The following RUNDC3A variants were observed in gnomAD, a reference collection of about 807,000 sequenced individuals.
The protein encoded by RUNDC3A is RUN domain containing 3A, also known as RUN domain-containing protein 3A.
In RUNDC3A, 28 loss-of-function variants were observed where a neutral mutation model predicts 53.9. The ratio of observed to expected loss-of-function variants is 0.52; its 90% CI spans 0.38 to 0.71. RUNDC3A has a LOEUF of 0.71. Among genes scored for constraint, RUNDC3A ranks in the 30% least tolerant of loss-of-function variants. The pLI is 0.00. For missense variants in RUNDC3A, 491 were observed against 597.3 expected (o/e 0.82, Z 1.85); for synonymous variants, 232 against 249.4 (o/e 0.93, Z 0.66).
At position 44,318,214 on chromosome 17, in the gene RUNDC3A, C is replaced by A; in HGVS notation, c.1317C>A (p.Gly439=). The change falls in exon 11 of 11, where the codon GGC becomes GGA. Residue 439 remains glycine, a synonymous_variant. Transcript: ENST00000426726. The part of the protein sequence containing the change: ...NECLVSDSPE[G]SPALSPS ...GCCTGGTGAGCGACAGTCCCGAGGGCAGCCCAGCACTGAGCCCCAGCTGAG... is the reference window on the plus strand; with the variant it reads ...GCCTGGTGAGCGACAGTCCCGAGGGAAGCCCAGCACTGAGCCCCAGCTGAG... 1 of 1,551,086 alleles carries A rather than the reference C, an allele frequency of 6.4e-7. No individual in the cohort carries two copies. Among genetic ancestry groups the A allele is most frequent in the Non-Finnish European group, 8.7e-7 (1 of 1,146,920 alleles).
chr17:44,316,886 A>G (rs1228054336), intron 10 of RUNDC3A, among the ~76,000 whole-genome samples, 161 bp downstream of exon 10: 12 of 147,176 alleles, frequency 8.2e-5, no homozygotes, highest in Non-Finnish European at 5.9e-5. Flanking sequence ...GCAGTGGCGC[A>G]ATCTCAGCTC....
chr17:44,311,072 G>T (rs2047740070), intron 1 of RUNDC3A: 2 of 985,294 alleles, frequency 2.0e-6, no homozygotes, highest in South Asian at 9.4e-5. Context: ...GGGGCCCAAG[G>T]CCACGTGAGT....
At chr17:44,310,147 G>A (rs1197001252) in intron 1 of RUNDC3A, 2 of 152,378 alleles carry the variant, frequency 1.3e-5, no homozygotes, top group Non-Finnish European at 1.5e-5. Context: ...TTCTGTCCTT[G>A]GGGCCAGAAG....
chr17:44,312,372 T>C (rs2047764529), intron 1 of RUNDC3A, among the ~76,000 whole-genome samples: 1 of 151,918 alleles, frequency 6.6e-6, no homozygotes. Context: ...CTGTCACCCT[T>C]CCTCCCCATC....
At chr17:44,309,704 A>ACTCTCC (rs1868663023) in intron 1 of RUNDC3A, among the ~76,000 whole-genome samples, 1 of 151,662 alleles carries the variant, frequency 6.6e-6, no homozygotes, top group Non-Finnish European at 1.5e-5. Context: ...CCACACCTGC[A>ACTCTCC]CTCTCCTCTG....
In RUNDC3A at chr17:44,314,799, A is replaced by C. The variant is rs367718078; in HGVS notation, c.523A>C (p.Ile175Leu). 2.2e-5 allele frequency: 36 copies of C among 1,613,250 alleles called. No homozygotes were observed. In the African/African-American group the frequency reaches 4.3e-4, roughly 19 times the overall value. The change falls in exon 5 of 11, where the codon ATC becomes CTC. Residue 175 changes from isoleucine to leucine, a missense_variant. Coordinates refer to ENST00000426726, the MANE Select transcript of RUNDC3A (RefSeq NM_001144825.2). ...DEATILTGML[I>L]GLSAIDFSFC... ...AGCCACCATCCTCACCGGAATGCTG[A>C]TCGGACTGAGCGCCATCGACTTCAG...
At chr17:44,317,427 C>A in intron 10 of RUNDC3A, 1 of 780,808 alleles carries the variant, frequency 1.3e-6, no homozygotes, top group South Asian at 1.3e-5. Flanking sequence ...GCTCTTATCT[C>A]ATGCACACTG....
At position 44,315,417 on chromosome 17, in the gene RUNDC3A, C is replaced by T; in HGVS notation, c.796-35C>T. 1 of 1,374,262 alleles carries T rather than the reference C, an allele frequency of 7.3e-7. No individual in the cohort carries two copies. Among genetic ancestry groups the T allele is most frequent in the South Asian group, 1.8e-5 (1 of 55,934 alleles). 85.1% of individuals were successfully genotyped at this position (1,374,262 alleles called of 1,614,324 possible). On this transcript the variant is annotated intron_variant, in intron 7 of 10. Coordinates refer to ENST00000426726, the MANE Select transcript of RUNDC3A (RefSeq NM_001144825.2). The surrounding 1 kb of genome is among the most constrained non-coding windows in gnomAD (Gnocchi z 6.1). ...GGATGGGGGCCGCGGCCGGGACGTCCTCCCAGCCGCCCGGGCTGAGCCGGC... is the reference window on the plus strand; with the variant it reads ...GGATGGGGGCCGCGGCCGGGACGTCTTCCCAGCCGCCCGGGCTGAGCCGGC...
chr17:44,311,794 G>GC (rs1225484598), intron 1 of RUNDC3A, among the ~76,000 whole-genome samples: 1 of 152,130 alleles, frequency 6.6e-6, no homozygotes, highest in Non-Finnish European at 1.5e-5. Context: ...CAGTCCTTCA[G>GC]CCCCACAGGC....
chr17:44,318,300 T>TC lies in RUNDC3A; in HGVS notation c.*63dup. On this transcript the variant is annotated 3_prime_UTR_variant, in exon 11 of 11. Coordinates refer to ENST00000426726, the MANE Select transcript of RUNDC3A (RefSeq NM_001144825.2). ...GGCCATGGACACCTGCCACCTTTCTTCAACAAGAGTCCCCCAATCCAGGCT... is the reference window on the plus strand; with the variant it reads ...GGCCATGGACACCTGCCACCTTTCTTCCAACAAGAGTCCCCCAATCCAGGCT... The TC allele has an allele frequency of 6.7e-7, 1 of 1,493,316 alleles. No individual in the cohort carries two copies. The highest frequency in any genetic ancestry group is 9.1e-7 in the Non-Finnish European group (1 of 1,101,266). The allele number at this position is 1,493,316 out of a possible 1,614,324, so 92.5% of individuals were successfully genotyped here. A position where few individuals can be genotyped will look rare whatever the true frequency, so the allele number is the denominator to read the frequency against.
At position 44,313,144 on chromosome 17, in the gene RUNDC3A, C is replaced by T. The variant is rs773444404; in HGVS notation, c.264C>T (p.Asp88=). 65 of 1,614,066 alleles carry T rather than the reference C, an allele frequency of 4.0e-5. No homozygotes were observed. The highest frequency in any genetic ancestry group is 2.3e-4 in the South Asian group (21 of 91,084). Residue 88 remains aspartate (D), a synonymous_variant, in exon 3 of 11, where the codon GAC becomes GAT. Coordinates refer to ENST00000426726, the MANE Select transcript of RUNDC3A (RefSeq NM_001144825.2). ...PAGPVSWFSS[D]GQRGFWDYIR... ...GTCCAGTGAGCTGGTTCAGCTCAGA[C>T]GGGCAGCGGGGCTTTTGGGACTATA...
chr17:44,311,258 C>T (rs1184150396), intron 1 of RUNDC3A: 1 of 985,424 alleles, frequency 1.0e-6, no homozygotes, highest in East Asian at 1.1e-4. Flanking sequence ...AGGCTGGAGA[C>T]TTGCAGAGTA....
chr17:44,313,666 C>T (rs1309727765), intron 4 of RUNDC3A, 163 bp downstream of exon 4: 1 of 1,357,186 alleles, frequency 7.4e-7, no homozygotes, highest in Admixed American at 3.4e-5. Context: ...GCCTGCAGTC[C>T]CAGGACGAAC....
At chr17:44,309,482 G>A (rs1405625308) in intron 1 of RUNDC3A, among the ~76,000 whole-genome samples, 1 of 152,216 alleles carries the variant, frequency 6.6e-6, no homozygotes, top group East Asian at 1.9e-4. Flanking sequence ...GAAGGACCAA[G>A]AGCCTGGGTT....
At chr17:44,317,889 A>T in intron 10 of RUNDC3A, 2 of 597,314 alleles carry the variant, frequency 3.3e-6, no homozygotes, top group Non-Finnish European at 3.0e-6. Context: ...CAGAGACATC[A>T]ACTGACGATT....
intron 1 of RUNDC3A, chr17:44,311,062 G>A (rs1007789457): frequency 8.1e-6 from 8 of 985,308 alleles, no homozygotes; most frequent in Admixed American, 6.1e-5. Flanking sequence ...GACTCACAGA[G>A]GGGCCCAAGG....
At chr17:44,309,221 G>A (rs1370740187) in intron 1 of RUNDC3A, among the ~76,000 whole-genome samples, 1 of 152,074 alleles carries the variant, frequency 6.6e-6, no homozygotes, top group Non-Finnish European at 1.5e-5. Context: ...GTGACACTGT[G>A]TGAGGGGGAA....
At chr17:44,314,419 G>A (rs759804776) in intron 4 of RUNDC3A, 13 of 1,195,232 alleles carry the variant, frequency 1.1e-5, no homozygotes, top group African/African-American at 6.2e-5. Context: ...CGTTTTTTGC[G>A]CACCTACTGT....
Position 44,315,490 on chromosome 17 carries a change from G to A in RUNDC3A, c.834G>A (p.Gln278=). The A allele has an allele frequency of 2.6e-6, 4 of 1,512,326 alleles. No homozygotes were observed. Among genetic ancestry groups the A allele is most frequent in the Non-Finnish European group, 3.5e-6 (4 of 1,131,060 alleles). The allele number at this position is 1,512,326 out of a possible 1,614,324, so 93.7% of individuals were successfully genotyped here. The change falls in exon 8 of 11, where the codon CAG becomes CAA. Residue 278 remains glutamine, a synonymous_variant. Coordinates refer to ENST00000426726, the MANE Select transcript of RUNDC3A (RefSeq NM_001144825.2). The surrounding 1 kb of genome is among the most constrained non-coding windows in gnomAD (Gnocchi z 6.1). ...AGCTGGTGCGTCTGCGCGAGTCGCA[G>A]CTGAAGGACCTGGAGGCGGAGAACC... ...LEELVRLRES[Q]LKDLEAENRR...
Sources: gnomAD v4.1 joint callset for allele counts (sites outside exome capture counted in the v4.1 genomes callset) on GRCh38, gnomAD v4.1.1 for gene constraint, Gnocchi (gnomAD v3.1) non-coding constraint, MANE v1.5 for transcripts, NCBI Gene and HGNC (gene_info 2026-07-23, HGNC 2026-07-21) for gene names.